The following MTCL2 variants were observed in gnomAD, a reference collection of about 807,000 sequenced individuals.
MTCL2 encodes microtubule crosslinking factor 2.
At chr20:36,802,558 G>A in the MTCL2 span, among the ~76,000 whole-genome samples, 2 of 152,214 alleles carry the variant, frequency 1.3e-5, no homozygotes, top group South Asian at 2.1e-4. Flanking sequence ...CACTGTACTT[G>A]CTAAGCTGTA....
the MTCL2 span, among the ~76,000 whole-genome samples, chr20:36,835,002 AAAAG>A: frequency 1.3e-5 from 2 of 152,240 alleles, no homozygotes; most frequent in East Asian, 3.9e-4. Context: ...CTTAAAAAAA[AAAAG>A]AAAAAGAAAA....
the MTCL2 span, among the ~76,000 whole-genome samples, chr20:36,837,244 G>A: frequency 6.6e-6 from 1 of 152,202 alleles, no homozygotes; most frequent in Non-Finnish European, 1.5e-5. Flanking sequence ...GAGTTCTGAG[G>A]GCAGAGGGCC....
chr20:36,802,221 G>C, the MTCL2 span, among the ~76,000 whole-genome samples: 13 of 152,324 alleles, frequency 8.5e-5, 1 homozygote, highest in South Asian at 2.7e-3. Flanking sequence ...GGGAGGCGGA[G>C]GCTGCAGTGA....
chr20:36,847,740 G>C, the MTCL2 span, among the ~76,000 whole-genome samples: 1 of 151,136 alleles, frequency 6.6e-6, no homozygotes, highest in Non-Finnish European at 1.5e-5. Flanking sequence ...TGTAGCCTCA[G>C]ATACTCAGGA....
the MTCL2 span, chr20:36,862,945 G>A: frequency 7.2e-7 from 1 of 1,388,418 alleles, no homozygotes; most frequent in South Asian, 1.4e-5. Context: ...TCCAGGCCCA[G>A]CAGGCGCGCC....
chr20:36,815,565 G>A, the MTCL2 span: 1 of 1,571,822 alleles, frequency 6.4e-7, no homozygotes, highest in Non-Finnish European at 8.6e-7. This position sits in a 1 kb window ranked among gnomAD's most constrained non-coding sequence, Gnocchi z 5.3. Flanking sequence ...CACACACTGG[G>A]CAGAGTCCCC....
chr20:36,788,806 C>CTTTTTT, the MTCL2 span, among the ~76,000 whole-genome samples: 8 of 142,606 alleles, frequency 5.6e-5, no homozygotes, highest in African/African-American at 1.9e-4. Flanking sequence ...CTTTTCTTTT[C>CTTTTTT]TTTTTTTTTT....
the MTCL2 span, among the ~76,000 whole-genome samples, chr20:36,845,593 C>T: frequency 2.0e-5 from 3 of 152,186 alleles, no homozygotes; most frequent in Non-Finnish European, 2.9e-5. Flanking sequence ...TCTGCAGGGA[C>T]GTGGGCGGGA....
the MTCL2 span, chr20:36,785,111 C>T: frequency 1.0e-6 from 1 of 985,314 alleles, no homozygotes. Flanking sequence ...TGGGGCTGGC[C>T]AAGTACCAGG....
chr20:36,808,811 T>C, the MTCL2 span: 1 of 1,404,738 alleles, frequency 7.1e-7, no homozygotes, highest in Non-Finnish European at 9.6e-7. Context: ...TCTGGGCCCC[T>C]GGACAGGGGC....
At chr20:36,834,589 G>A in the MTCL2 span, among the ~76,000 whole-genome samples, 1 of 152,230 alleles carries the variant, frequency 6.6e-6, no homozygotes, top group Non-Finnish European at 1.5e-5. Context: ...CTCGCCCCCA[G>A]ACTACTAGTC....
At chr20:36,808,355 G>C in the MTCL2 span, among the ~76,000 whole-genome samples, 3 of 119,772 alleles carry the variant, frequency 2.5e-5, no homozygotes, top group Admixed American at 2.6e-4. Flanking sequence ...CTCCATCTCG[G>C]AAAAAAAAAA....
chr20:36,802,805 G>A, the MTCL2 span: 2 of 1,547,882 alleles, frequency 1.3e-6, no homozygotes, highest in Middle Eastern at 1.7e-4. Flanking sequence ...AATCATTTCT[G>A]TAGCAACTCT....
chr20:36,813,230 A>T, the MTCL2 span, among the ~76,000 whole-genome samples: 1 of 148,448 alleles, frequency 6.7e-6, no homozygotes. Flanking sequence ...TGTGCCTGTA[A>T]TTCCATCTAC....
chr20:36,817,556 CCCAGGGT>C, the MTCL2 span: 1 of 1,365,014 alleles, frequency 7.3e-7, no homozygotes, highest in Non-Finnish European at 9.9e-7. Context: ...TGTCACAGTG[CCCAGGGT>C]CCAGGGAGGG....
chr20:36,788,200 C>CA, the MTCL2 span, among the ~76,000 whole-genome samples: 11,622 of 76,504 alleles, frequency 0.15, 895 homozygotes, highest in Non-Finnish European at 0.18. Context: ...GACTCCATCT[C>CA]AAAAAAAAAA....
At chr20:36,837,600 C>T in the MTCL2 span, among the ~76,000 whole-genome samples, 4 of 150,286 alleles carry the variant, frequency 2.7e-5, no homozygotes, top group East Asian at 1.9e-4. Flanking sequence ...ATTTTTGAGA[C>T]GGAGTCTCAC....
At chr20:36,857,318 C>T in the MTCL2 span, among the ~76,000 whole-genome samples, 6,449 of 151,962 alleles carry the variant, frequency 0.042, 149 homozygotes, top group South Asian at 0.077. Context: ...TCTGAGCCTC[C>T]GTTGTGTCTG....
At chr20:36,839,231 C>G in the MTCL2 span, 2 of 1,600,222 alleles carry the variant, frequency 1.2e-6, no homozygotes, top group Non-Finnish European at 1.7e-6. The surrounding 1 kb of genome is among the most constrained non-coding windows in gnomAD (Gnocchi z 5.1). Flanking sequence ...ACATCCTGCT[C>G]CAGACCACGG....
Sources: allele counts gnomAD v4.1 joint callset (sites outside exome capture counted in the v4.1 genomes callset), GRCh38; gene constraint gnomAD v4.1.1; non-coding constraint Gnocchi (gnomAD v3.1); transcripts MANE v1.5; gene names NCBI Gene and HGNC (gene_info 2026-07-23, HGNC 2026-07-21).